Variants in SDK1 observed in about 807,000 individuals in gnomAD.
The protein encoded by SDK1 is protein sidekick-1.
A neutral mutation model predicts 245.5 loss-of-function variants in SDK1; 157 were observed. The ratio of observed to expected loss-of-function variants is 0.64; its 90% CI spans 0.56 to 0.73. The LOEUF (loss-of-function observed/expected upper bound fraction) is 0.73, where lower values mean the gene tolerates loss of function less well. Among genes scored for constraint, SDK1 ranks in the 30% least tolerant of loss-of-function variants. The pLI is 0.00. For synonymous variants in SDK1, 1,647 were observed against 1,278.5 expected, an observed-to-expected ratio of 1.29 and a Z score of -6.15; for missense variants, 3,583 against 3,002.3, an observed-to-expected ratio of 1.19 and a Z score of -4.52.
At chr7:3,816,043 C>G (rs1376509771) in intron 4 of SDK1, among the ~76,000 whole-genome samples, 2 of 141,908 alleles carry the variant, frequency 1.4e-5, no homozygotes, top group Non-Finnish European at 3.0e-5. Flanking sequence ...TTCTTTGAAA[C>G]CAACGAGAAC....
intron 4 of SDK1, among the ~76,000 whole-genome samples, chr7:3,747,408 G>T (rs1779656611): frequency 2.0e-5 from 3 of 150,638 alleles, no homozygotes; most frequent in Admixed American, 2.0e-4. Context: ...CAAAGTGTAT[G>T]TAACATTCTG....
chr7:3,907,416 G>A (rs1194009097), intron 5 of SDK1, among the ~76,000 whole-genome samples: 1 of 152,124 alleles, frequency 6.6e-6, no homozygotes, highest in Non-Finnish European at 1.5e-5. Context: ...TGTTTGTAAG[G>A]ATTGTCTACA....
intron 1 of SDK1, among the ~76,000 whole-genome samples, chr7:3,609,735 C>A (rs926507503): frequency 2.2e-5 from 3 of 138,286 alleles, no homozygotes; most frequent in African/African-American, 8.0e-5. Context: ...GAGTCTCACT[C>A]CCTTACCCAG....
At position 3,420,612 on chromosome 7, in the gene SDK1, G is replaced by A. The variant is rs117539906; in HGVS notation, c.298+118728G>A. ...TTTGGGATTTACTTTGTCTTTTACA[G>A]AGCTTGATATGTGGCTTAACAGTAA... is the stretch of plus-strand genomic sequence containing the variant. On this transcript the variant is annotated intron_variant, in intron 1 of 44. Coordinates refer to ENST00000404826, the MANE Select transcript of SDK1 (RefSeq NM_152744.4). Among the ~76,000 whole-genome samples, 16 of 152,292 alleles carry A rather than the reference G, an allele frequency of 1.1e-4. No homozygotes were observed. In the East Asian group the frequency reaches 2.9e-3, roughly 27 times the overall value.
At chr7:4,202,737 A>G (rs556540707) in intron 35 of SDK1, among the ~76,000 whole-genome samples, 2 of 152,214 alleles carry the variant, frequency 1.3e-5, no homozygotes, top group Admixed American at 1.3e-4. Flanking sequence ...TCCTCCACCA[A>G]ATGCCACGTA....
chr7:3,629,678 T>C (rs1782231654), intron 2 of SDK1, among the ~76,000 whole-genome samples: 1 of 152,196 alleles, frequency 6.6e-6, no homozygotes, highest in Admixed American at 6.5e-5. Flanking sequence ...TTGCTCAATA[T>C]CTTCACAGTA....
intron 1 of SDK1, among the ~76,000 whole-genome samples, chr7:3,327,370 T>C (rs185656332): frequency 6.6e-6 from 1 of 152,286 alleles, no homozygotes; most frequent in Non-Finnish European, 1.5e-5. Flanking sequence ...CAATAAATTT[T>C]ATCTCCTCTC....
chr7:4,077,922 G>C (rs1009352521), intron 21 of SDK1, among the ~76,000 whole-genome samples: 1 of 152,124 alleles, frequency 6.6e-6, no homozygotes, highest in South Asian at 2.1e-4. Context: ...GTAAAAATTG[G>C]TATATATAGC....
chr7:4,074,132 T>C (rs1780463121), intron 20 of SDK1, among the ~76,000 whole-genome samples: 1 of 152,070 alleles, frequency 6.6e-6, no homozygotes, highest in South Asian at 2.1e-4. Context: ...ACGACCTAAG[T>C]AGCTGGGCAG....
chr7:3,441,426 G>A (rs1780193530), intron 1 of SDK1, among the ~76,000 whole-genome samples: 1 of 151,942 alleles, frequency 6.6e-6, no homozygotes, highest in Non-Finnish European at 1.5e-5. Context: ...ATCTCTTTTT[G>A]TGTGTGTACA....
chr7:4,019,783 C>G (rs960443258), intron 17 of SDK1, among the ~76,000 whole-genome samples: 1 of 152,038 alleles, frequency 6.6e-6, no homozygotes, highest in South Asian at 2.1e-4. Context: ...CAGACACAGT[C>G]GTAATTCCTG....
chr7:4,240,520 G>T (rs952086430), intron 42 of SDK1, among the ~76,000 whole-genome samples: 1 of 152,014 alleles, frequency 6.6e-6, no homozygotes, highest in African/African-American at 2.4e-5. Context: ...TTTCTGCTCT[G>T]TGTTCTTCCG....
At chr7:3,681,414 T>G (rs1006591801) in intron 4 of SDK1, among the ~76,000 whole-genome samples, 1 of 152,226 alleles carries the variant, frequency 6.6e-6, no homozygotes, top group African/African-American at 2.4e-5. Context: ...GCTCTGACCT[T>G]TCCTGTACAC....
chr7:4,206,230 C>T (rs1219325241), intron 36 of SDK1, among the ~76,000 whole-genome samples: 2 of 152,176 alleles, frequency 1.3e-5, no homozygotes, highest in Non-Finnish European at 2.9e-5. Context: ...CACCACAAAA[C>T]AACCCAGGTT....
chr7:3,413,272 A>C (rs911001317), intron 1 of SDK1, among the ~76,000 whole-genome samples: 1 of 152,208 alleles, frequency 6.6e-6, no homozygotes, highest in Admixed American at 6.5e-5. Flanking sequence ...AGGGACTATC[A>C]TGAGCAGAGG....
intron 4 of SDK1, among the ~76,000 whole-genome samples, chr7:3,731,705 A>G (rs17133771): frequency 0.022 from 3,315 of 152,338 alleles, 127 homozygotes; most frequent in African/African-American, 0.075. Context: ...CAGCATGTTC[A>G]GAAGAACTGA....
intron 1 of SDK1, among the ~76,000 whole-genome samples, chr7:3,535,406 A>G (rs1778852355): frequency 6.6e-6 from 1 of 152,238 alleles, no homozygotes; most frequent in Non-Finnish European, 1.5e-5. Context: ...AAAAGTTTAT[A>G]GCTCTTATCC....
chr7:3,369,041 CTTTTTTCTT>C (rs1374693450), intron 1 of SDK1, among the ~76,000 whole-genome samples: 32 of 151,706 alleles, frequency 2.1e-4, no homozygotes, highest in Admixed American at 9.2e-4. Flanking sequence ...CTTTCCTTTT[CTTTTTTCTT>C]TTTTTTCTTT....
chr7:3,547,422 G>T (rs1440598336), intron 1 of SDK1, among the ~76,000 whole-genome samples: 1 of 152,204 alleles, frequency 6.6e-6, no homozygotes, highest in Admixed American at 6.5e-5. Flanking sequence ...GCTCTAGACA[G>T]TGAAGTGTAC....
Sources: gnomAD v4.1 joint callset for allele counts (sites outside exome capture counted in the v4.1 genomes callset) on GRCh38, gnomAD v4.1.1 for gene constraint, MANE v1.5 for transcripts, NCBI Gene and HGNC (gene_info 2026-07-23, HGNC 2026-07-21) for gene names.